Variants in RANBP17 observed in about 807,000 individuals in gnomAD.
RANBP17 encodes ran-binding protein 17.
RANBP17 carries 158 observed loss-of-function variants against 141.2 expected under a neutral mutation model. The observed-to-expected ratio is 1.12, with a 90% confidence interval of 0.98 to 1.28. The LOEUF (loss-of-function observed/expected upper bound fraction) is 1.28. Ranked by LOEUF, RANBP17 falls within the 50% of genes most tolerant of loss-of-function variation. The pLI is 0.00. For synonymous variants in RANBP17, 430 were observed against 450.0 expected (o/e 0.96, Z 0.56); for missense variants, 1,438 against 1,290.7 (o/e 1.11, Z -1.75).
intron 14 of RANBP17, among the ~76,000 whole-genome samples, chr5:171,121,795 G>A (rs1756054578): frequency 6.6e-6 from 1 of 152,090 alleles, no homozygotes; most frequent in Admixed American, 6.6e-5. Context: ...CTGCAGTGCT[G>A]GATAAGTGCA....
chr5:171,063,635 G>T (rs1453398404), intron 14 of RANBP17, among the ~76,000 whole-genome samples: 1 of 152,250 alleles, frequency 6.6e-6, no homozygotes, highest in East Asian at 1.9e-4. Flanking sequence ...TGAGGAGGCA[G>T]TCTGCCCGTT....
intron 22 of RANBP17, among the ~76,000 whole-genome samples, chr5:171,232,718 A>ATGATAT (rs1426273926): frequency 5.3e-5 from 8 of 152,122 alleles, no homozygotes; most frequent in Non-Finnish European, 1.2e-4. Context: ...TTTTCCCAAA[A>ATGATAT]GTGATATCAT....
At chr5:171,297,037 G>A (rs1768863193) in intron 27 of RANBP17, among the ~76,000 whole-genome samples, 1 of 152,226 alleles carries the variant, frequency 6.6e-6, no homozygotes, top group Non-Finnish European at 1.5e-5. Flanking sequence ...GTAAAATGGA[G>A]ATGATGATAA....
At chr5:171,254,646 A>G (rs1388405348) in intron 24 of RANBP17, among the ~76,000 whole-genome samples, 2 of 152,220 alleles carry the variant, frequency 1.3e-5, no homozygotes, top group East Asian at 3.9e-4. Flanking sequence ...ATATATGTAC[A>G]TAATATATGT....
chr5:170,900,437 G>C (rs1770535186), intron 5 of RANBP17, among the ~76,000 whole-genome samples: 1 of 151,820 alleles, frequency 6.6e-6, no homozygotes, highest in Non-Finnish European at 1.5e-5. Flanking sequence ...TGGTCTATCT[G>C]TTTTGTTAAT....
chr5:171,243,640 A>C (rs911919675), intron 24 of RANBP17, among the ~76,000 whole-genome samples: 1 of 152,234 alleles, frequency 6.6e-6, no homozygotes, highest in Non-Finnish European at 1.5e-5. Flanking sequence ...TGCTGTCACC[A>C]ACAGTATATG....
chr5:171,199,678 G>A lies in RANBP17; in HGVS notation c.2047G>A (p.Glu683Lys), dbSNP rs762377488. 1 of 1,604,840 alleles carries A rather than the reference G, an allele frequency of 6.2e-7. No individual in the cohort carries two copies. The highest frequency in any genetic ancestry group is 8.5e-7 in the Non-Finnish European group (1 of 1,173,038). Residue 683 changes from glutamate (E) to lysine (K), a missense_variant, in exon 19 of 28, where the codon GAG becomes AAG. Coordinates refer to ENST00000523189, the MANE Select transcript of RANBP17 (RefSeq NM_022897.5). ...TTTTGTTTCTCTGATAGGTGAAGATGAGGATGAATTTGAGAATTTCATGCT... is the reference window on the plus strand; with the variant it reads ...TTTTGTTTCTCTGATAGGTGAAGATAAGGATGAATTTGAGAATTTCATGCT... Reference protein sequence around the residue: ...RLLMVDLGEDEDEFENFMLPL... With the variant: ...RLLMVDLGEDKDEFENFMLPL...
chr5:171,092,503 C>G (rs1040137959), intron 14 of RANBP17, among the ~76,000 whole-genome samples: 1 of 152,190 alleles, frequency 6.6e-6, no homozygotes, highest in Admixed American at 6.5e-5. Flanking sequence ...ACTTCTCTTG[C>G]AACCATTAGG....
chr5:170,868,575 C>T (rs186729348), intron 1 of RANBP17, among the ~76,000 whole-genome samples: 1 of 152,256 alleles, frequency 6.6e-6, no homozygotes, highest in East Asian at 1.9e-4. Context: ...CCTGGCCTGT[C>T]TGTTTGTATT....
intron 25 of RANBP17, among the ~76,000 whole-genome samples, chr5:171,278,374 C>G (rs1767661279): frequency 6.6e-6 from 1 of 152,058 alleles, no homozygotes; most frequent in African/African-American, 2.4e-5. Flanking sequence ...CAAAAATTAG[C>G]TGGGTGTGAT....
chr5:171,003,806 C>T (rs11739295), intron 14 of RANBP17, among the ~76,000 whole-genome samples: 1 of 151,902 alleles, frequency 6.6e-6, no homozygotes, highest in Non-Finnish European at 1.5e-5. Flanking sequence ...TGGGTGTCAG[C>T]GTCAGGCCAG....
chr5:171,107,276 A>G (rs1378043214), intron 14 of RANBP17, among the ~76,000 whole-genome samples: 1 of 152,214 alleles, frequency 6.6e-6, no homozygotes, highest in Non-Finnish European at 1.5e-5. Flanking sequence ...CCTGGTATCA[A>G]AGGAATTAGT....
Position 170,903,435 on chromosome 5 carries a change from T to C in RANBP17, c.490-6226T>C, listed in dbSNP as rs369585187. On this transcript the variant is annotated intron_variant, in intron 5 of 27. Coordinates refer to ENST00000523189, the MANE Select transcript of RANBP17 (RefSeq NM_022897.5). ...CTTGCTGGGCTACGTGGGGGTGGGA[T>C]CCTCTGCGCTAGACCACTTGGCTCC... 63 of 154,208 alleles carry C rather than the reference T, an allele frequency of 4.1e-4. 1 individual carries two copies. The South Asian group carries it at 0.012, about 30-fold the overall frequency. 9.6% of individuals were successfully genotyped at this position (154,208 alleles called of 1,614,324 possible). A position where few individuals can be genotyped will look rare whatever the true frequency, so the allele number is the denominator to read the frequency against.
chr5:171,274,517 G>T (rs2128030227), intron 25 of RANBP17, among the ~76,000 whole-genome samples: 1 of 151,824 alleles, frequency 6.6e-6, no homozygotes, highest in Non-Finnish European at 1.5e-5. Flanking sequence ...CTATTTCAAT[G>T]GTAACAAAAT....
At chr5:170,908,040 T>C (rs1014926881) in intron 5 of RANBP17, among the ~76,000 whole-genome samples, 6 of 152,026 alleles carry the variant, frequency 3.9e-5, no homozygotes, top group Non-Finnish European at 8.8e-5. Context: ...CTAGCAAGGC[T>C]GTGGAGAAAA....
chr5:171,026,054 A>G (rs1352801115), intron 14 of RANBP17, among the ~76,000 whole-genome samples: 1 of 152,228 alleles, frequency 6.6e-6, no homozygotes, highest in Admixed American at 6.5e-5. Context: ...GATACTAAAT[A>G]TTTGTGAAAT....
chr5:171,215,589 C>T (rs556701453), intron 21 of RANBP17, among the ~76,000 whole-genome samples: 39 of 152,168 alleles, frequency 2.6e-4, no homozygotes, highest in African/African-American at 8.4e-4. Flanking sequence ...CTTTAATGAT[C>T]GCCATTCTAA....
chr5:171,199,978 CAGTCAGTTCATGAT>C (rs1021211206), intron 19 of RANBP17, among the ~76,000 whole-genome samples: 1 of 152,124 alleles, frequency 6.6e-6, no homozygotes, highest in Non-Finnish European at 1.5e-5. Context: ...TAGTTTTGGA[CAGTCAGTTCATGAT>C]AAGATGACAT....
intron 14 of RANBP17, among the ~76,000 whole-genome samples, chr5:171,119,060 C>T (rs901798639): frequency 3.9e-5 from 6 of 152,144 alleles, no homozygotes; most frequent in Non-Finnish European, 7.4e-5. Context: ...GTGAGTTTGA[C>T]ATATATGGCC....
Sources: gnomAD v4.1 joint callset for allele counts (sites outside exome capture counted in the v4.1 genomes callset) on GRCh38, gnomAD v4.1.1 for gene constraint, MANE v1.5 for transcripts, NCBI Gene and HGNC (gene_info 2026-07-23, HGNC 2026-07-21) for gene names.